Variants in RPTOR observed in about 807,000 individuals in gnomAD.
The protein encoded by RPTOR is regulatory associated protein of MTOR complex 1.
RPTOR carries 21 observed loss-of-function variants against 169.9 expected under a neutral mutation model. The ratio of observed to expected loss-of-function variants is 0.12; its 90% CI spans 0.09 to 0.18. The LOEUF (loss-of-function observed/expected upper bound fraction) is 0.18, where lower values mean the gene tolerates loss of function less well. RPTOR is among the 10% of genes least tolerant of loss of function. The pLI is 1.00. For synonymous variants in RPTOR, 732 were observed against 753.2 expected (o/e 0.97, Z 0.46); for missense variants, 1,133 against 1,855.9 (o/e 0.61, Z 7.16).
chr17:80,715,659 T>C (rs979852302), intron 4 of RPTOR, among the ~76,000 whole-genome samples: 1 of 152,024 alleles, frequency 6.6e-6, no homozygotes, highest in African/African-American at 2.4e-5. Context: ...ATGAAGAAGT[T>C]CTTTAGTGGT....
At chr17:80,613,060 A>T (rs1453657031) in intron 1 of RPTOR, among the ~76,000 whole-genome samples, 2 of 152,154 alleles carry the variant, frequency 1.3e-5, no homozygotes, top group Non-Finnish European at 2.9e-5. Flanking sequence ...ATCTCCTGTA[A>T]GATGAAGGCC....
At chr17:80,868,373 C>T (rs1439787488) in intron 13 of RPTOR, among the ~76,000 whole-genome samples, 1 of 152,196 alleles carries the variant, frequency 6.6e-6, no homozygotes, top group Non-Finnish European at 1.5e-5. Context: ...ACTGCACCCA[C>T]AGTCTTATAC....
At position 80,948,559 on chromosome 17, in the gene RPTOR, G is replaced by A. The variant is rs143182250; in HGVS notation, c.3266-884G>A. 4.5e-4 allele frequency: 69 copies of A among 152,660 alleles called. 1 individual carries two copies. In the East Asian group the frequency reaches 0.012, roughly 26 times the overall value. 9.5% of individuals were successfully genotyped at this position (152,660 alleles called of 1,614,324 possible). ...GAGCGAGCACTGGAGCAGGGCCAGG[G>A]TCCTTTGCAGAACGGGCTCCAGACA... On this transcript the variant is annotated intron_variant, in intron 27 of 33. Transcript: ENST00000306801.
At chr17:80,806,845 A>G (rs2143559011) in intron 7 of RPTOR, among the ~76,000 whole-genome samples, 1 of 152,152 alleles carries the variant, frequency 6.6e-6, no homozygotes, top group Admixed American at 6.5e-5. Context: ...ATATATCTTA[A>G]CAGCCTCTTC....
rs1048736037 is a variant in RPTOR at position 80,957,361 on chromosome 17, T to C, written c.3371-263T>C. 2.0e-5 allele frequency among the ~76,000 whole-genome samples: 3 copies of C among 151,716 alleles called. No individual in the cohort carries two copies. Among genetic ancestry groups the C allele is most frequent in the African/African-American group, 4.9e-5 (2 of 41,234 alleles). ...CCAGCTTAGAACTGTCACCCCAGCC[T>C]GGACTTGGGAGTTCCAGCTCAGAAT... On this transcript the variant is annotated intron_variant, in intron 28 of 33. Transcript: ENST00000306801. The surrounding 1 kb of genome is among the most constrained non-coding windows in gnomAD (Gnocchi z 4.6).
At chr17:80,608,534 G>A (rs751893715) in intron 1 of RPTOR, among the ~76,000 whole-genome samples, 3 of 152,144 alleles carry the variant, frequency 2.0e-5, no homozygotes, top group Non-Finnish European at 4.4e-5. Context: ...TGGCGGTGGG[G>A]GTATCAGGAA....
chr17:80,699,061 T>C (rs796397260), intron 3 of RPTOR, among the ~76,000 whole-genome samples: 19 of 152,294 alleles, frequency 1.2e-4, no homozygotes, highest in African/African-American at 4.6e-4. Context: ...AAAGTGGGTG[T>C]TGGAGCAAAA....
intron 4 of RPTOR, among the ~76,000 whole-genome samples, chr17:80,714,113 G>C (rs963496049): frequency 2.3e-4 from 35 of 152,098 alleles, no homozygotes; most frequent in African/African-American, 7.7e-4. Flanking sequence ...TAACTGTTTT[G>C]TATTTTTAGT....
chr17:80,940,123 A>G (rs1361702656), intron 24 of RPTOR, among the ~76,000 whole-genome samples: 2 of 152,232 alleles, frequency 1.3e-5, no homozygotes, highest in African/African-American at 2.4e-5. Flanking sequence ...GAAAATAACT[A>G]CAGCCAACCC....
intron 28 of RPTOR, among the ~76,000 whole-genome samples, chr17:80,951,894 T>G (rs2069183497): frequency 6.6e-6 from 1 of 152,098 alleles, no homozygotes; most frequent in Non-Finnish European, 1.5e-5. Context: ...CAGAGGTGAT[T>G]AAGGTCAAAC....
In RPTOR at chr17:80,883,428, C is replaced by T. The variant is rs151265255; in HGVS notation, c.1594C>T (p.Arg532Trp). 2 of 1,614,146 alleles carry T rather than the reference C, an allele frequency of 1.2e-6. No homozygotes were observed. The highest frequency in any genetic ancestry group is 1.1e-5 in the South Asian group (1 of 91,092). ...LADPYMPAEH[R>W]TMTAFILAVI... Reference sequence around the variant, plus strand: ...GGTTTTTGTTTTCCAGGCTGAACACCGGACCATGACGGCTTTCATTCTCGC... The same window carrying T: ...GGTTTTTGTTTTCCAGGCTGAACACTGGACCATGACGGCTTTCATTCTCGC... The change falls in exon 15 of 34, where the codon CGG (arginine) becomes TGG (tryptophan). Residue 532 changes from arginine (R) to tryptophan (W), a missense_variant. Around this residue, in one of 9 missense-constraint regions of RPTOR, gnomAD observed 289 missense variants for 585.8 expected, o/e 0.49. Transcript: ENST00000306801.
At position 80,880,433 on chromosome 17, in the gene RPTOR, G is replaced by A. The variant is rs1168278166; in HGVS notation, c.1528G>A (p.Val510Met). The A allele has an allele frequency of 1.2e-6, 2 of 1,613,626 alleles. No individual in the cohort carries two copies. Among genetic ancestry groups the A allele is most frequent in the African/African-American group, 1.3e-5 (1 of 74,920 alleles). Residue 510 changes from valine to methionine, a missense_variant, in exon 14 of 34, where the codon GTG becomes ATG. Physicochemically the swap from Val to Met is conservative, Grantham distance 21. Coordinates refer to ENST00000306801, the MANE Select transcript of RPTOR (RefSeq NM_020761.3). ...TGTCCAGTCGTGCCAAGCGGACCTC[G>A]TGAAGGACAACGGCCACAAGTACTT... ...AVDSSCQADLVKDNGHKYFLS... is the reference protein window; with the variant it reads ...AVDSSCQADLMKDNGHKYFLS...
chr17:80,638,862 G>A (rs1347000966), intron 2 of RPTOR, among the ~76,000 whole-genome samples: 1 of 152,182 alleles, frequency 6.6e-6, no homozygotes, highest in Admixed American at 6.5e-5. Context: ...TAATTTTGTA[G>A]CTATGTGAGG....
In RPTOR at chr17:80,693,298, T is replaced by C. The variant is rs899856152; in HGVS notation, c.349-14543T>C. Reference sequence around the variant, plus strand: ...TTCTCCCAGCAGTGCCGACCGAGCCTGTCTGCAGACAACACCAGTGCCCCC... The same window carrying C: ...TTCTCCCAGCAGTGCCGACCGAGCCCGTCTGCAGACAACACCAGTGCCCCC... On this transcript the variant is annotated intron_variant, in intron 3 of 33. Transcript: ENST00000306801. Among the ~76,000 whole-genome samples the C allele has an allele frequency of 5.9e-5, 9 of 152,310 alleles. No individual in the cohort carries two copies. The South Asian group carries it at 1.2e-3, about 21-fold the overall frequency.
rs566603157 is a variant in RPTOR, at chr17:80,674,371, C to T, written c.348+30561C>T. On this transcript the variant is annotated intron_variant, in intron 3 of 33. Coordinates refer to ENST00000306801, the MANE Select transcript of RPTOR (RefSeq NM_020761.3). ...GTAGGGAAGAAGACCCCACTGTTTT[C>T]CTTTAAGGATGTTTCTTAAAAGTTA... 1.6e-4 allele frequency among the ~76,000 whole-genome samples: 24 copies of T among 152,258 alleles called. No individual in the cohort carries two copies. The South Asian group carries it at 1.9e-3, about 12-fold the overall frequency.
chr17:80,716,734 T>G (rs1466445316), intron 4 of RPTOR, among the ~76,000 whole-genome samples: 1 of 152,156 alleles, frequency 6.6e-6, no homozygotes, highest in Non-Finnish European at 1.5e-5. Flanking sequence ...CCATCTTGGG[T>G]TGATTTTTGT....
At chr17:80,852,555 G>A (rs902966352) in intron 11 of RPTOR, among the ~76,000 whole-genome samples, 8 of 152,160 alleles carry the variant, frequency 5.3e-5, no homozygotes, top group African/African-American at 1.2e-4. Context: ...TGAACCCAGC[G>A]TGGGAGCTGG....
intron 25 of RPTOR, among the ~76,000 whole-genome samples, chr17:80,943,917 G>T (rs1372647592): frequency 6.6e-6 from 1 of 152,194 alleles, no homozygotes; most frequent in African/African-American, 2.4e-5. Context: ...CCTCCTGGTT[G>T]CCCAGAGGCC....
intron 4 of RPTOR, among the ~76,000 whole-genome samples, chr17:80,720,848 G>A (rs929731269): frequency 1.4e-5 from 2 of 145,478 alleles, no homozygotes; most frequent in Non-Finnish European, 2.9e-5. Context: ...TTGCTGCTGC[G>A]GCCGCTTCTG....
Sources: allele counts gnomAD v4.1 joint callset (sites outside exome capture counted in the v4.1 genomes callset), GRCh38; gene constraint gnomAD v4.1.1; regional missense constraint gnomAD v4.1.1; non-coding constraint Gnocchi (gnomAD v3.1); transcripts MANE v1.5; gene names NCBI Gene and HGNC (gene_info 2026-07-23, HGNC 2026-07-21).